LRP1B: variants seen among roughly 807,000 people sequenced by gnomAD.
The protein encoded by LRP1B is low-density lipoprotein receptor-related protein 1B.
Under a neutral mutation model 556.6 loss-of-function variants are expected in LRP1B, and 217 were observed. The observed-to-expected ratio is 0.39, with a 90% CI of 0.35 to 0.44. The LOEUF (loss-of-function observed/expected upper bound fraction) is 0.44, where lower values mean the gene tolerates loss of function less well. Among genes scored for constraint, LRP1B ranks in the 20% least tolerant of loss-of-function variants. The probability of loss-of-function intolerance (pLI) is 1.00; values close to 1 mark genes in which losing one functional copy is unlikely to be tolerated. For missense variants in LRP1B, 5,053 were observed against 5,620.8 expected, an observed-to-expected ratio of 0.90 and a Z score of 3.23; for synonymous variants, 2,047 against 1,865.8, an observed-to-expected ratio of 1.10 and a Z score of -2.50.
intron 32 of LRP1B, among the ~76,000 whole-genome samples, chr2:140,788,482 A>G (rs1485855937): frequency 7.2e-5 from 11 of 152,182 alleles, no homozygotes. Context: ...TATTACCTAT[A>G]GTAATCACTT....
At chr2:141,265,451 G>C (rs978744710) in intron 3 of LRP1B, among the ~76,000 whole-genome samples, 11 of 152,208 alleles carry the variant, frequency 7.2e-5, no homozygotes, top group Admixed American at 7.2e-4. Context: ...TGAGGATTCT[G>C]CGCTAGAACT....
Position 142,003,457 on chromosome 2 carries a change from A to G in LRP1B, c.82+127191T>C, listed in dbSNP as rs369137576. Among the ~76,000 whole-genome samples the G allele has an allele frequency of 1.6e-4, 24 of 152,274 alleles. 1 individual carries two copies. In the East Asian group the frequency reaches 3.7e-3, roughly 23 times the overall value. On this transcript the variant is annotated intron_variant, in intron 1 of 90. Coordinates refer to ENST00000389484, the MANE Select transcript of LRP1B (RefSeq NM_018557.3). ...AGCCAACCACCCTTTCAGTGGACAT[A>G]GCTCTATTTCAGGGAGTGTGACTTA... is the stretch of plus-strand genomic sequence containing the variant.
At chr2:140,651,667 T>C (rs1684693208) in intron 41 of LRP1B, among the ~76,000 whole-genome samples, 1 of 151,938 alleles carries the variant, frequency 6.6e-6, no homozygotes, top group Non-Finnish European at 1.5e-5. Context: ...TAAAATGTCA[T>C]CGAACCAGAT....
chr2:140,781,229 C>T (rs1365857515), intron 32 of LRP1B, among the ~76,000 whole-genome samples: 1 of 152,178 alleles, frequency 6.6e-6, no homozygotes, highest in Non-Finnish European at 1.5e-5. Context: ...CAACAGGCAT[C>T]TCAAGAATGA....
intron 2 of LRP1B, among the ~76,000 whole-genome samples, chr2:141,664,113 C>T (rs967816262): frequency 2.6e-5 from 4 of 152,080 alleles, no homozygotes; most frequent in African/African-American, 7.2e-5. Context: ...TAATTCATCA[C>T]GTAAACAGAA....
chr2:141,534,197 A>G (rs1268590150), intron 2 of LRP1B, among the ~76,000 whole-genome samples: 2 of 152,290 alleles, frequency 1.3e-5, no homozygotes, highest in Non-Finnish European at 2.9e-5. Context: ...ATTCGTGGGT[A>G]ATGGATGCAG....
chr2:140,509,082 AAAC>A (rs766088710), intron 52 of LRP1B, among the ~76,000 whole-genome samples: 2 of 84,508 alleles, frequency 2.4e-5, no homozygotes, highest in South Asian at 5.6e-4. Flanking sequence ...ACACACACAC[AAAC>A]ACACACACAC....
intron 2 of LRP1B, among the ~76,000 whole-genome samples, chr2:141,716,392 T>C (rs1471080845): frequency 2.6e-5 from 4 of 152,206 alleles, no homozygotes; most frequent in African/African-American, 9.6e-5. Context: ...GCTAGTGTTT[T>C]AATGAAAAAT....
chr2:141,108,334 CTTTTTTTTTTTTT>C (rs60275697), intron 7 of LRP1B, among the ~76,000 whole-genome samples: 190 of 88,526 alleles, frequency 2.1e-3, no homozygotes, highest in African/African-American at 8.2e-3. Flanking sequence ...TAATCTGTTT[CTTTTTTTTTTTTT>C]TTTTTTTTTT....
chr2:141,728,530 G>C (rs185216623), intron 2 of LRP1B, among the ~76,000 whole-genome samples: 14 of 152,220 alleles, frequency 9.2e-5, no homozygotes, highest in Admixed American at 2.6e-4. Flanking sequence ...AATTGTTCCT[G>C]TTGCTGTAAA....
At chr2:140,957,956 A>G (rs1313746704) in intron 18 of LRP1B, among the ~76,000 whole-genome samples, 1 of 151,574 alleles carries the variant, frequency 6.6e-6, no homozygotes, top group Non-Finnish European at 1.5e-5. Flanking sequence ...TCACAAGGCT[A>G]TAATCAGTCA....
intron 1 of LRP1B, among the ~76,000 whole-genome samples, chr2:141,897,221 A>G (rs1699480546): frequency 6.6e-6 from 1 of 152,186 alleles, no homozygotes; most frequent in Non-Finnish European, 1.5e-5. Flanking sequence ...TGTAAAGGTC[A>G]TTCAGGGAAA....
chr2:140,539,652 G>T (rs1213112755), intron 45 of LRP1B, among the ~76,000 whole-genome samples: 1 of 152,236 alleles, frequency 6.6e-6, no homozygotes, highest in African/African-American at 2.4e-5. Context: ...AGTGACCTGT[G>T]AAAGAAACAT....
chr2:141,596,606 G>T (rs1687531981), intron 2 of LRP1B, among the ~76,000 whole-genome samples: 1 of 151,928 alleles, frequency 6.6e-6, no homozygotes. Flanking sequence ...TAATTGTGAT[G>T]AACTTAATTA....
At chr2:141,238,112 C>T (rs931082196) in intron 5 of LRP1B, among the ~76,000 whole-genome samples, 2 of 152,044 alleles carry the variant, frequency 1.3e-5, no homozygotes, top group African/African-American at 4.8e-5. Flanking sequence ...GAATATAATT[C>T]ATTCAAATTT....
chr2:141,873,974 T>G (rs1175322441), intron 1 of LRP1B, among the ~76,000 whole-genome samples: 1 of 151,646 alleles, frequency 6.6e-6, no homozygotes, highest in Non-Finnish European at 1.5e-5. Context: ...TGAAGCAATA[T>G]TTATACACCA....
At chr2:141,122,484 C>A (rs78595403) in intron 7 of LRP1B, among the ~76,000 whole-genome samples, 20 of 151,048 alleles carry the variant, frequency 1.3e-4, no homozygotes, top group South Asian at 4.2e-4. Context: ...ATGCAGCCAA[C>A]AGACACATGA....
intron 2 of LRP1B, among the ~76,000 whole-genome samples, chr2:141,591,735 C>T (rs1285980224): frequency 6.6e-6 from 1 of 151,874 alleles, no homozygotes; most frequent in African/African-American, 2.4e-5. Flanking sequence ...TAAAGGTGGA[C>T]CATGGTTTTA....
intron 2 of LRP1B, among the ~76,000 whole-genome samples, chr2:141,638,136 G>A (rs1042551906): frequency 2.0e-5 from 3 of 151,958 alleles, no homozygotes; most frequent in East Asian, 1.9e-4. Context: ...GCAATGAGCC[G>A]AGGTCCACCC....
Sources: allele counts gnomAD v4.1 joint callset (sites outside exome capture counted in the v4.1 genomes callset), GRCh38; gene constraint gnomAD v4.1.1; transcripts MANE v1.5; gene names NCBI Gene and HGNC (gene_info 2026-07-23, HGNC 2026-07-21).